SRRM1: variants seen among roughly 807,000 people sequenced by gnomAD.
The protein encoded by SRRM1 is serine/arginine repetitive matrix protein 1.
SRRM1 carries 19 observed loss-of-function variants against 110.2 expected under a neutral mutation model. The observed-to-expected ratio is 0.17, with a 90% CI of 0.12 to 0.25. The LOEUF is 0.25. Among genes scored for constraint, SRRM1 ranks in the 10% least tolerant of loss-of-function variants. SRRM1 has a pLI of 1.00. For synonymous variants in SRRM1, 443 were observed against 414.9 expected, an observed-to-expected ratio of 1.07 and a Z score of -0.82; for missense variants, 918 against 1,145.8, an observed-to-expected ratio of 0.80 and a Z score of 2.87.
intron 11 of SRRM1, among the ~76,000 whole-genome samples, chr1:24,661,716 GA>G (rs1244724289): frequency 6.6e-6 from 1 of 152,106 alleles, no homozygotes; most frequent in Non-Finnish European, 1.5e-5. Context: ...AAAAGGAAAA[GA>G]AAAAACCCCA....
chr1:24,648,823 G>A (rs1658945330), intron 3 of SRRM1, 36 bp from the exon 4 acceptor site: 5 of 1,598,422 alleles, frequency 3.1e-6, no homozygotes, highest in Non-Finnish European at 4.3e-6. Context: ...TGGTTTTGAA[G>A]TAACCTGTTT....
At chr1:24,657,800 A>C (rs1468399880) in intron 9 of SRRM1, among the ~76,000 whole-genome samples, 1 of 152,236 alleles carries the variant, frequency 6.6e-6, no homozygotes, top group Non-Finnish European at 1.5e-5. Context: ...GTATGTTAAC[A>C]TGATCAATAC....
chr1:24,645,146 G>A (rs146112161), intron 1 of SRRM1, among the ~76,000 whole-genome samples: 96 of 152,298 alleles, frequency 6.3e-4, no homozygotes, highest in Non-Finnish European at 7.5e-4. Flanking sequence ...ACCCTGCAGA[G>A]TAGGTTTCTA....
chr1:24,661,194 T>C, intron 10 of SRRM1, 116 bp from the exon 11 acceptor site: 1 of 643,808 alleles, frequency 1.6e-6, no homozygotes, highest in East Asian at 2.8e-5. Context: ...AAATATATAG[T>C]AGTTGTATTT....
Position 24,646,535 on chromosome 1 carries a change from A to G in SRRM1, c.112-132A>G, listed in dbSNP as rs573384797. ...AAGACTCTGTCTCAAAAAAAAAAAA[A>G]AAAAATTAGCAGATTCTACTATGCC... On this transcript the variant is annotated intron_variant, in intron 2 of 16. Transcript: ENST00000323848. 1.1e-5 allele frequency: 8 copies of G among 725,048 alleles called. No homozygotes were observed. The East Asian group carries it at 1.5e-4, about 14-fold the overall frequency. 44.9% of individuals were successfully genotyped at this position (725,048 alleles called of 1,614,324 possible).
chr1:24,654,620 A>G (rs922025841), intron 8 of SRRM1, among the ~76,000 whole-genome samples: 72 of 152,220 alleles, frequency 4.7e-4, no homozygotes, highest in Admixed American at 1.5e-3. Flanking sequence ...AACTGGAGAG[A>G]GAACACAGAC....
In SRRM1 at chr1:24,660,591, CCTGA is replaced by C. The variant is rs1187065166; in HGVS notation, c.1316-125_1316-122del. The C allele has an allele frequency of 3.0e-5, 12 of 405,754 alleles. No individual in the cohort carries two copies. In the Admixed American group the frequency reaches 4.7e-4, roughly 16 times the overall value. 25.1% of individuals were successfully genotyped at this position (405,754 alleles called of 1,614,324 possible). ...CTTGAGGTCAGGAGTTCAAGACTAG[CCTGA>C]CTAATATAGTGAGACCCCATCTTTA... On this transcript the variant is annotated intron_variant, in intron 9 of 16. Transcript: ENST00000323848.
Position 24,672,248 on chromosome 1 carries a change from A to C in SRRM1, c.2677A>C (p.Arg893=), listed in dbSNP as rs1351417604. ...LEKHLREKAL[R]SMRKAQVSPQ... Reference sequence around the variant, plus strand: ...AAAGCACCTGCGTGAAAAGGCCCTGAGATCAATGAGGAAGGCCCAAGTGTC... The same window carrying C: ...AAAGCACCTGCGTGAAAAGGCCCTGCGATCAATGAGGAAGGCCCAAGTGTC... Residue 893 remains arginine (R), a synonymous_variant, in exon 17 of 17, where the codon AGA becomes CGA. Transcript: ENST00000323848. 5.6e-6 allele frequency: 9 copies of C among 1,609,586 alleles called. No homozygotes were observed. The highest frequency in any genetic ancestry group is 7.6e-6 in the Non-Finnish European group (9 of 1,177,722).
chr1:24,672,621 T>G lies in SRRM1; in HGVS notation c.*335T>G, dbSNP rs1006493346. On this transcript the variant is annotated 3_prime_UTR_variant, in exon 17 of 17. Transcript: ENST00000323848. Reference sequence around the variant, plus strand: ...CTATTCCCAGAGGGGTTTTTTTGTTTGTTTTTTTGGTTTTGATTTTCTTTT... The same window carrying G: ...CTATTCCCAGAGGGGTTTTTTTGTTGGTTTTTTTGGTTTTGATTTTCTTTT... 1 of 159,464 alleles carries G rather than the reference T, an allele frequency of 6.3e-6. No individual in the cohort carries two copies. Among genetic ancestry groups the G allele is most frequent in the African/African-American group, 2.4e-5 (1 of 41,704 alleles). The allele number at this position is 159,464 out of a possible 1,614,324, so 9.9% of individuals were successfully genotyped here.
rs570634850 is a variant in SRRM1 at position 24,652,975 on chromosome 1, C to T, written c.983C>T (p.Pro328Leu). 5.0e-6 allele frequency: 8 copies of T among 1,613,880 alleles called. No individual in the cohort carries two copies. Among genetic ancestry groups the T allele is most frequent in the Non-Finnish European group, 5.9e-6 (7 of 1,179,876 alleles). ...CGGCCATCTCCTCGAAGAAGAACTC[C>T]GCCAAGAAGAATGCCTCCTCCACCA... ...RRRPSPRRRT[P>L]PRRMPPPPRH... The change falls in exon 8 of 17, where the codon CCG (proline) becomes CTG (leucine). Residue 328 changes from proline (P) to leucine (L), a missense_variant. Coordinates refer to ENST00000323848, the MANE Select transcript of SRRM1 (RefSeq NM_005839.4).
At chr1:24,671,634 C>T (rs375983902) in intron 16 of SRRM1, 39 bp downstream of exon 16, 24 of 1,512,716 alleles carry the variant, frequency 1.6e-5, no homozygotes, top group Middle Eastern at 3.5e-4. Context: ...TTGCAGTTTA[C>T]GTACAGATAG....
intron 5 of SRRM1, among the ~76,000 whole-genome samples, chr1:24,651,196 C>T (rs1477063884): frequency 6.6e-6 from 1 of 152,138 alleles, no homozygotes; most frequent in Non-Finnish European, 1.5e-5. Context: ...TGCTTTTCTC[C>T]CTTATAACTG....
chr1:24,656,229 G>A (rs1426890767), intron 9 of SRRM1, among the ~76,000 whole-genome samples: 1 of 152,214 alleles, frequency 6.6e-6, no homozygotes, highest in Non-Finnish European at 1.5e-5. Context: ...GCAATGTGGT[G>A]ATACCTAGAA....
At chr1:24,644,031 A>G (rs930541389) in intron 1 of SRRM1, among the ~76,000 whole-genome samples, 1 of 152,142 alleles carries the variant, frequency 6.6e-6, no homozygotes, top group Non-Finnish European at 1.5e-5. Flanking sequence ...ATGCGCGGGT[A>G]TGGAGGCAGG....
Position 24,660,779 on chromosome 1 carries a change from A to C in SRRM1, c.1376A>C (p.Lys459Thr), listed in dbSNP as rs1395000710. Residue 459 changes from lysine to threonine, a missense_variant, in exon 10 of 17, where the codon AAA becomes ACA. Lys to Thr is a moderately conservative substitution (Grantham distance 78). Transcript: ENST00000323848. ...CCTTCACCAGCACCGAAGCCTAGAAAAGTAGAGTTATCTGAATCGGGTAAG... is the reference window on the plus strand; with the variant it reads ...CCTTCACCAGCACCGAAGCCTAGAACAGTAGAGTTATCTGAATCGGGTAAG... ...ESPSPAPKPR[K>T]VELSESEEDK... 1 of 1,596,802 alleles carries C rather than the reference A, an allele frequency of 6.3e-7. No homozygotes were observed. Among genetic ancestry groups the C allele is most frequent in the African/African-American group, 1.4e-5 (1 of 73,732 alleles).
intron 15 of SRRM1, among the ~76,000 whole-genome samples, 161 bp from the exon 16 acceptor site, chr1:24,671,225 G>A (rs1672575491): frequency 6.6e-6 from 1 of 152,168 alleles, no homozygotes; most frequent in Admixed American, 6.6e-5. Flanking sequence ...TACTTTTCTT[G>A]GTGATAATTG....
chr1:24,661,325 G>A lies in SRRM1; in HGVS notation c.1412G>A (p.Gly471Asp), dbSNP rs769937638. Residue 471 changes from glycine (G) to aspartate (D), a missense_variant, in exon 11 of 17, where the codon GGC becomes GAC. Around this residue, in one of 5 missense-constraint regions of SRRM1, gnomAD observed 456 missense variants for 453.5 expected, o/e 1.01. Transcript: ENST00000323848. The part of the protein sequence containing the change: ...ELSESEEDKG[G>D]KMAAADSVQQ... ...CATCTTTCAGAAGAAGATAAAGGTGGCAAAATGGCTGCAGCAGATTCTGTG... is the reference window on the plus strand; with the variant it reads ...CATCTTTCAGAAGAAGATAAAGGTGACAAAATGGCTGCAGCAGATTCTGTG... 23 of 1,612,260 alleles carry A rather than the reference G, an allele frequency of 1.4e-5. No individual in the cohort carries two copies. The highest frequency in any genetic ancestry group is 2.0e-5 in the Non-Finnish European group (23 of 1,178,936).
Position 24,652,551 on chromosome 1 carries a change from C to T in SRRM1, c.843C>T (p.Arg281=). 6.2e-7 allele frequency: 1 copy of T among 1,613,870 alleles called. No individual in the cohort carries two copies. The highest frequency in any genetic ancestry group is 1.1e-5 in the South Asian group (1 of 91,028). The change falls in exon 7 of 17, where the codon CGC becomes CGT. Residue 281 remains arginine, a synonymous_variant. Coordinates refer to ENST00000323848, the MANE Select transcript of SRRM1 (RefSeq NM_005839.4). The stretch of plus-strand genomic sequence containing the variant: ...AGACCCGACCACGATCTCGGTCACG[C>T]TCCAAATCAAGATCCCGGACGCGGT... ...KEKTRPRSRS[R]SKSRSRTRSR...
intron 5 of SRRM1, among the ~76,000 whole-genome samples, chr1:24,651,101 T>C (rs1394241099): frequency 6.6e-6 from 1 of 152,246 alleles, no homozygotes; most frequent in Non-Finnish European, 1.5e-5. Context: ...CATTGTTTGC[T>C]TTAAAGCATC....
Sources: allele counts gnomAD v4.1 joint callset (sites outside exome capture counted in the v4.1 genomes callset), GRCh38; gene constraint gnomAD v4.1.1; regional missense constraint gnomAD v4.1.1; transcripts MANE v1.5; gene names NCBI Gene and HGNC (gene_info 2026-07-23, HGNC 2026-07-21).